The following FSHR variants were observed in gnomAD, a reference collection of about 807,000 sequenced individuals.
The protein encoded by FSHR is follicle-stimulating hormone receptor.
FSHR carries 46 observed loss-of-function variants against 52.1 expected under a neutral mutation model. The ratio of observed to expected loss-of-function variants is 0.88; its 90% CI spans 0.70 to 1.13. The LOEUF (loss-of-function observed/expected upper bound fraction) is 1.13, where lower values mean the gene tolerates loss of function less well. FSHR is among the 50% of genes most tolerant of loss of function. FSHR has a pLI of 0.00. For synonymous variants in FSHR, 399 were observed against 309.6 expected (o/e 1.29, Z -3.03); for missense variants, 964 against 834.6 (o/e 1.16, Z -1.91).
chr2:49,013,893 T>A (rs1385450491), intron 4 of FSHR, among the ~76,000 whole-genome samples: 2 of 151,932 alleles, frequency 1.3e-5, no homozygotes, highest in Non-Finnish European at 2.9e-5. Flanking sequence ...ACCCTCACAA[T>A]AGGATGAATG....
chr2:49,147,863 T>G (rs1018762720), intron 1 of FSHR, among the ~76,000 whole-genome samples: 4 of 151,930 alleles, frequency 2.6e-5, no homozygotes, highest in African/African-American at 9.7e-5. Context: ...AAGGATTATG[T>G]ATATATTAGT....
chr2:49,051,196 A>G (rs1245023746), intron 2 of FSHR, among the ~76,000 whole-genome samples: 1 of 152,088 alleles, frequency 6.6e-6, no homozygotes, highest in African/African-American at 2.4e-5. Context: ...TGTTATGAAC[A>G]TTCTTGCAGT....
At chr2:49,025,747 C>T (rs571355929) in intron 2 of FSHR, among the ~76,000 whole-genome samples, 28 of 152,274 alleles carry the variant, frequency 1.8e-4, no homozygotes, top group African/African-American at 6.7e-4. Context: ...TTCCCTTAAC[C>T]TCACCTATAG....
intron 2 of FSHR, among the ~76,000 whole-genome samples, chr2:49,039,434 G>A (rs553948218): frequency 2.6e-5 from 4 of 152,172 alleles, no homozygotes; most frequent in Non-Finnish European, 4.4e-5. Context: ...CTCAGCCTTC[G>A]TGGAGGAGGG....
chr2:49,123,222 C>G (rs952367915), intron 1 of FSHR, among the ~76,000 whole-genome samples: 12 of 152,156 alleles, frequency 7.9e-5, no homozygotes, highest in Admixed American at 6.5e-4. Context: ...TGTTTTCAGC[C>G]AGGCGCGGTG....
intron 4 of FSHR, chr2:49,014,907 T>A (rs77472631): frequency 0.03 from 13,875 of 470,238 alleles, 599 homozygotes; most frequent in African/African-American, 0.15. Flanking sequence ...TGATCCCCAT[T>A]TTCCACTTTG....
At chr2:49,094,943 A>C (rs76935293) in intron 1 of FSHR, among the ~76,000 whole-genome samples, 5,639 of 152,154 alleles carry the variant, frequency 0.037, 339 homozygotes, top group African/African-American at 0.13. Context: ...AAATTACTAA[A>C]ATCAGGAATA....
intron 1 of FSHR, among the ~76,000 whole-genome samples, chr2:49,129,837 G>T (rs1484245108): frequency 1.3e-5 from 2 of 152,160 alleles, no homozygotes; most frequent in Non-Finnish European, 1.5e-5. Flanking sequence ...AGACCCTACT[G>T]AGGTTGAACT....
At chr2:49,034,325 C>T (rs140283005) in intron 2 of FSHR, among the ~76,000 whole-genome samples, 31 of 152,266 alleles carry the variant, frequency 2.0e-4, no homozygotes, top group African/African-American at 6.7e-4. Context: ...ACCCCCCTTC[C>T]GAGGTCCCAA....
chr2:49,009,691 C>A (rs930737623), intron 4 of FSHR, among the ~76,000 whole-genome samples: 26 of 149,030 alleles, frequency 1.7e-4, no homozygotes, highest in Non-Finnish European at 6.0e-5. Context: ...TTTGTATCCT[C>A]TTTTATTTCC....
intron 1 of FSHR, among the ~76,000 whole-genome samples, chr2:49,085,313 C>G (rs536322968): frequency 0.012 from 1,760 of 152,332 alleles, 19 homozygotes; most frequent in African/African-American, 0.04. Flanking sequence ...GCTAAAAACT[C>G]TCAATAAATT....
In FSHR at chr2:49,068,404, A is replaced by G. The variant is rs140402505; in HGVS notation, c.153-114T>C. The G allele has an allele frequency of 1.2e-4, 107 of 860,344 alleles. 1 individual carries two copies. In the East Asian group the frequency reaches 2.4e-3, roughly 19 times the overall value. 53.3% of individuals were successfully genotyped at this position (860,344 alleles called of 1,614,324 possible). On this transcript the variant is annotated intron_variant, in intron 1 of 9. Transcript: ENST00000406846. ...ATATACTAAGTGCTTGCCATAAAGT[A>G]ATGTTGAAATTGCTTTTACATTCTC...
chr2:49,049,851 A>ATATATAT (rs1668791622), intron 2 of FSHR, among the ~76,000 whole-genome samples: 2 of 143,784 alleles, frequency 1.4e-5, no homozygotes, highest in African/African-American at 5.1e-5. Context: ...ATATATATAT[A>ATATATAT]ATAAAAACCA....
intron 2 of FSHR, among the ~76,000 whole-genome samples, chr2:49,021,622 C>G (rs917766724): frequency 9.9e-5 from 15 of 151,750 alleles, no homozygotes; most frequent in African/African-American, 3.6e-4. Context: ...GCATCTGTGA[C>G]TGGTGCATCT....
At chr2:49,088,319 T>C (rs6716923) in intron 1 of FSHR, among the ~76,000 whole-genome samples, 70,998 of 151,984 alleles carry the variant, frequency 0.47, 16,908 homozygotes, top group African/African-American at 0.55. Flanking sequence ...TAAGAAAATT[T>C]AAAAAAAGAC....
intron 1 of FSHR, among the ~76,000 whole-genome samples, chr2:49,087,750 A>G: frequency 6.6e-6 from 1 of 152,318 alleles, no homozygotes; most frequent in African/African-American, 2.4e-5. Flanking sequence ...AAGATGTGGG[A>G]GAGGACTAAT....
Position 48,963,117 on chromosome 2 carries a change from G to C in FSHR, c.1704C>G (p.Thr568=). 6.2e-7 allele frequency: 1 copy of C among 1,614,098 alleles called. No homozygotes were observed. Among genetic ancestry groups the C allele is most frequent in the African/African-American group, 1.3e-5 (1 of 75,022 alleles). ...NPNIVSSSSD[T]RIAKRMAMLI... ...GCATGGCCATGCGCTTGGCGATCCTGGTGTCACTAGAGGAGGACACGATGT... is the reference window on the plus strand; with the variant it reads ...GCATGGCCATGCGCTTGGCGATCCTCGTGTCACTAGAGGAGGACACGATGT... Residue 568 remains threonine, a synonymous_variant, in exon 10 of 10, where the codon ACC becomes ACG. Transcript: ENST00000406846.
chr2:49,117,076 G>T (rs1277350375), intron 1 of FSHR, among the ~76,000 whole-genome samples: 2 of 152,174 alleles, frequency 1.3e-5, no homozygotes, highest in Non-Finnish European at 2.9e-5. Flanking sequence ...GTGTTAGCTA[G>T]AATTGTTATA....
intron 8 of FSHR, among the ~76,000 whole-genome samples, chr2:48,969,499 C>G (rs773961154): frequency 4.2e-4 from 64 of 152,120 alleles, no homozygotes; most frequent in Non-Finnish European, 4.3e-4. Context: ...TGACCTTGGT[C>G]AAGTATGTCA....
Sources: gnomAD v4.1 joint callset for allele counts (sites outside exome capture counted in the v4.1 genomes callset) on GRCh38, gnomAD v4.1.1 for gene constraint, MANE v1.5 for transcripts, NCBI Gene and HGNC (gene_info 2026-07-23, HGNC 2026-07-21) for gene names.